ADAMTSL1: variants seen among roughly 807,000 people sequenced by gnomAD.
ADAMTSL1 encodes the protein ADAMTS like 1.
In ADAMTSL1, 126 loss-of-function variants were observed where a neutral mutation model predicts 201.8. The observed-to-expected ratio is 0.62, with a 90% CI of 0.54 to 0.72. ADAMTSL1 has a LOEUF of 0.72. Among genes scored for constraint, ADAMTSL1 ranks in the 30% least tolerant of loss-of-function variants. ADAMTSL1 has a pLI of 0.00. For synonymous variants in ADAMTSL1, 1,121 were observed against 903.4 expected, an observed-to-expected ratio of 1.24 and a Z score of -4.32; for missense variants, 2,679 against 2,277.8, an observed-to-expected ratio of 1.18 and a Z score of -3.59.
intron 2 of ADAMTSL1, among the ~76,000 whole-genome samples, chr9:18,260,483 C>A (rs1831875215): frequency 6.6e-6 from 1 of 152,228 alleles, no homozygotes; most frequent in South Asian, 2.1e-4. Context: ...ACCTTGTTGT[C>A]CATTGTTGGG....
At chr9:17,942,512 G>C (rs1827280666) in intron 1 of ADAMTSL1, among the ~76,000 whole-genome samples, 1 of 152,108 alleles carries the variant, frequency 6.6e-6, no homozygotes, top group Non-Finnish European at 1.5e-5. Context: ...TGTGTCTCTG[G>C]AACTGGTACT....
intron 25 of ADAMTSL1, 144 bp downstream of exon 25, chr9:18,889,892 A>G (rs1829139933): frequency 2.5e-6 from 2 of 788,582 alleles, no homozygotes; most frequent in Non-Finnish European, 3.6e-6. Flanking sequence ...GCACAGGCTT[A>G]TCAGGCCTCT....
At chr9:18,789,979 G>A (rs1821928358) in intron 19 of ADAMTSL1, among the ~76,000 whole-genome samples, 1 of 152,198 alleles carries the variant, frequency 6.6e-6, no homozygotes, top group Non-Finnish European at 1.5e-5. Context: ...TGAGAGGCCT[G>A]AGGTGGCACA....
At chr9:18,653,671 A>G (rs1828439870) in intron 7 of ADAMTSL1, among the ~76,000 whole-genome samples, 1 of 151,772 alleles carries the variant, frequency 6.6e-6, no homozygotes, top group African/African-American at 2.4e-5. Context: ...GAACTGCACT[A>G]TTTTCCAATA....
chr9:18,072,644 C>T (rs188304182), intron 1 of ADAMTSL1, among the ~76,000 whole-genome samples: 29 of 152,326 alleles, frequency 1.9e-4, no homozygotes, highest in African/African-American at 7.0e-4. Flanking sequence ...ATCTGCATAT[C>T]TCTCAGAGAC....
chr9:18,618,702 A>G (rs2132652289), intron 4 of ADAMTSL1, among the ~76,000 whole-genome samples: 2 of 152,196 alleles, frequency 1.3e-5, no homozygotes, highest in Non-Finnish European at 2.9e-5. Flanking sequence ...CATTTCCAAG[A>G]TGGCTGCTAG....
chr9:18,905,748 A>C, intron 26 of ADAMTSL1, 34 bp from the exon 27 acceptor site: 1 of 1,566,860 alleles, frequency 6.4e-7, no homozygotes, highest in Non-Finnish European at 8.7e-7. Context: ...TGACTTGGCT[A>C]ATGTGCGGTA....
At chr9:17,989,594 G>A (rs1008935136) in intron 1 of ADAMTSL1, among the ~76,000 whole-genome samples, 1 of 151,860 alleles carries the variant, frequency 6.6e-6, no homozygotes, top group Admixed American at 6.6e-5. Context: ...AGCCTTTTTT[G>A]AAATAATTTT....
chr9:18,622,456 C>T, intron 5 of ADAMTSL1, 87 bp downstream of exon 5: 1 of 1,567,406 alleles, frequency 6.4e-7, no homozygotes, highest in South Asian at 1.1e-5. Flanking sequence ...AGCCAGGGAA[C>T]AACACCTCCA....
At chr9:17,923,422 T>C (rs1398230934) in intron 1 of ADAMTSL1, among the ~76,000 whole-genome samples, 9 of 145,606 alleles carry the variant, frequency 6.2e-5, no homozygotes, top group African/African-American at 2.0e-4. Flanking sequence ...GGGAGTTCAC[T>C]CATGATTTGG....
At chr9:18,211,045 G>GAGC (rs1368477750) in intron 2 of ADAMTSL1, among the ~76,000 whole-genome samples, 2 of 151,954 alleles carry the variant, frequency 1.3e-5, no homozygotes, top group African/African-American at 4.8e-5. Flanking sequence ...TATTTAGGAT[G>GAGC]AGCCACAGCT....
chr9:18,424,670 A>C (rs1819123815), intron 2 of ADAMTSL1, among the ~76,000 whole-genome samples: 1 of 152,174 alleles, frequency 6.6e-6, no homozygotes, highest in Admixed American at 6.5e-5. Context: ...TTATTTATTC[A>C]CTCACAGTCT....
In ADAMTSL1 at chr9:18,908,732, T is replaced by C. The variant is rs927749748; in HGVS notation, c.*184T>C. 4.1e-5 allele frequency: 23 copies of C among 557,602 alleles called. No individual in the cohort carries two copies. In the Admixed American group the frequency reaches 6.9e-4, roughly 17 times the overall value. The allele number at this position is 557,602 out of a possible 1,614,324, so 34.5% of individuals were successfully genotyped here. ...GACGTCCGCGTGTTTTCTCTTTCAG[T>C]TAGCTGGAGGACAGGATGTTGGGAA... On this transcript the variant is annotated 3_prime_UTR_variant, in exon 29 of 29. Transcript: ENST00000380548.
At chr9:18,278,484 C>T (rs1186775270) in intron 2 of ADAMTSL1, among the ~76,000 whole-genome samples, 1 of 152,154 alleles carries the variant, frequency 6.6e-6, no homozygotes, top group Non-Finnish European at 1.5e-5. Context: ...ACCCTACTCT[C>T]TCCTGGGCAC....
At chr9:18,564,812 A>G (rs1821771834) in intron 3 of ADAMTSL1, among the ~76,000 whole-genome samples, 1 of 152,170 alleles carries the variant, frequency 6.6e-6, no homozygotes, top group African/African-American at 2.4e-5. Context: ...GCTAAATTGG[A>G]GTGAATTCAA....
At chr9:18,175,701 C>A (rs1367647182) in intron 2 of ADAMTSL1, among the ~76,000 whole-genome samples, 4 of 152,082 alleles carry the variant, frequency 2.6e-5, no homozygotes, top group African/African-American at 9.7e-5. Flanking sequence ...AATCCAAGTC[C>A]TACCTGCTCC....
intron 2 of ADAMTSL1, among the ~76,000 whole-genome samples, chr9:18,387,942 G>A (rs1688107751): frequency 7.8e-6 from 1 of 128,670 alleles, no homozygotes; most frequent in Non-Finnish European, 1.9e-5. Context: ...GTATTTTGAG[G>A]CTGCATTGTT....
chr9:18,281,518 A>C (rs1832789477), intron 2 of ADAMTSL1, among the ~76,000 whole-genome samples: 1 of 152,206 alleles, frequency 6.6e-6, no homozygotes, highest in Admixed American at 6.5e-5. Flanking sequence ...GTTGTTTGGC[A>C]TGAGACCCAG....
At chr9:18,040,342 G>A (rs1479982303) in intron 1 of ADAMTSL1, among the ~76,000 whole-genome samples, 1 of 152,158 alleles carries the variant, frequency 6.6e-6, no homozygotes, top group Non-Finnish European at 1.5e-5. Flanking sequence ...GAGCAGATAA[G>A]GAGAACTAAT....
Sources: allele counts gnomAD v4.1 joint callset (sites outside exome capture counted in the v4.1 genomes callset), GRCh38; gene constraint gnomAD v4.1.1; transcripts MANE v1.5; gene names NCBI Gene and HGNC (gene_info 2026-07-23, HGNC 2026-07-21).